The following NDUFC1 variants were observed in gnomAD, a reference collection of about 807,000 sequenced individuals.
NDUFC1 encodes the protein NADH:ubiquinone oxidoreductase subunit C1, also known as NADH dehydrogenase [ubiquinone] 1 subunit C1, mitochondrial.
Under a neutral mutation model 11.6 loss-of-function variants are expected in NDUFC1, and 11 were observed. The ratio of observed to expected loss-of-function variants is 0.95; its 90% CI spans 0.60 to 1.58. The LOEUF (loss-of-function observed/expected upper bound fraction) is 1.58. NDUFC1 is among the 40% of genes most tolerant of loss of function. NDUFC1 has a pLI of 0.00. For missense variants in NDUFC1, 112 were observed against 93.0 expected (o/e 1.20, Z -0.84); for synonymous variants, 52 against 42.2 (o/e 1.23, Z -0.90).
intron 4 of NDUFC1, among the ~76,000 whole-genome samples, chr4:139,293,930 ATTTTTTTTTTTTTT>A (rs775805536): frequency 1.0e-4 from 7 of 69,716 alleles, no homozygotes; most frequent in Admixed American, 4.4e-4. Context: ...TGTGGTGTGA[ATTTTTTTTTTTTTT>A]TTTTTTTTTT....
At chr4:139,290,876 A>C (rs7698642) in intron 5 of NDUFC1, among the ~76,000 whole-genome samples, 39,956 of 151,608 alleles carry the variant, frequency 0.26, 5,543 homozygotes, top group African/African-American at 0.35. Flanking sequence ...TATTGGCTCA[A>C]TGCAACCTCC....
rs114421961 is a variant in NDUFC1 at position 139,295,966 on chromosome 4, C to T, written c.-162-6G>A. 8.8e-4 allele frequency: 531 copies of T among 600,824 alleles called. 2 individuals are homozygous for T. The highest frequency in any genetic ancestry group is 8.4e-3 in the African/African-American group (426 of 50,428). The allele number at this position is 600,824 out of a possible 1,614,324, so 37.2% of individuals were successfully genotyped here. On this transcript the variant is annotated splice_polypyrimidine_tract_variant and splice_region_variant and intron_variant, in intron 2 of 5. Transcript: ENST00000394223. Reference sequence around the variant, plus strand: ...CCCCGGCCTCAGCCTTCTGTCTATACAGTGGAATTAGGAAGAAAATAATTA... The same window carrying T: ...CCCCGGCCTCAGCCTTCTGTCTATATAGTGGAATTAGGAAGAAAATAATTA...
intron 4 of NDUFC1, 44 bp from the exon 5 acceptor site, chr4:139,292,653 G>T: frequency 8.2e-7 from 1 of 1,212,132 alleles, no homozygotes; most frequent in South Asian, 1.5e-5. Context: ...TAATCTTCCT[G>T]GATACTTATA....
intron 2 of NDUFC1, among the ~76,000 whole-genome samples, chr4:139,296,861 A>G (rs563067213): frequency 2.1e-4 from 32 of 152,354 alleles, no homozygotes; most frequent in African/African-American, 7.0e-4. Context: ...TAATTTTAAA[A>G]CCAAAATAAA....
chr4:139,291,262 C>A (rs1325389689), intron 5 of NDUFC1, among the ~76,000 whole-genome samples: 1 of 151,730 alleles, frequency 6.6e-6, no homozygotes, highest in Non-Finnish European at 1.5e-5. Flanking sequence ...ATGAAATAGT[C>A]ATGCAGAAAA....
chr4:139,301,968 C>G, intron 1 of NDUFC1: 1 of 905,492 alleles, frequency 1.1e-6, no homozygotes, highest in Non-Finnish European at 1.7e-6. Context: ...AGGCCGAATG[C>G]ATTGCTTTGC....
intron 2 of NDUFC1, chr4:139,296,394 T>C (rs930909336): frequency 1.3e-5 from 2 of 152,492 alleles, no homozygotes; most frequent in African/African-American, 2.4e-5. Context: ...GTGCCTTAGG[T>C]AGGCTTAAGA....
At chr4:139,301,872 C>T (rs1217237702) in intron 1 of NDUFC1, 7 of 1,557,264 alleles carry the variant, frequency 4.5e-6, no homozygotes, top group African/African-American at 4.1e-5. Context: ...GAGGATTTAG[C>T]CGGTAACCGG....
intron 1 of NDUFC1, chr4:139,301,631 G>C: frequency 1.2e-6 from 1 of 835,598 alleles, no homozygotes; most frequent in Non-Finnish European, 1.9e-6. Context: ...TGTCCGGGTA[G>C]GGCAACGCGG....
chr4:139,297,470 T>G (rs923582037), intron 1 of NDUFC1, 27 bp from the exon 2 acceptor site: 2 of 152,154 alleles, frequency 1.3e-5, no homozygotes, highest in Non-Finnish European at 2.9e-5. Flanking sequence ...ATTAAGTAAT[T>G]CCAGCTAGGA....
chr4:139,292,028 G>A (rs905909977), intron 5 of NDUFC1, among the ~76,000 whole-genome samples: 9 of 151,912 alleles, frequency 5.9e-5, no homozygotes, highest in African/African-American at 2.2e-4. Flanking sequence ...TGGTAGAGAC[G>A]GTGTTTCACT....
chr4:139,293,028 C>T (rs1745299671), intron 4 of NDUFC1, among the ~76,000 whole-genome samples: 1 of 151,986 alleles, frequency 6.6e-6, no homozygotes, highest in Admixed American at 6.6e-5. Flanking sequence ...ACCATGTTGG[C>T]CAGGCTGGTC....
At chr4:139,294,715 A>G (rs1237616311) in intron 4 of NDUFC1, among the ~76,000 whole-genome samples, 1 of 150,736 alleles carries the variant, frequency 6.6e-6, no homozygotes, top group Non-Finnish European at 1.5e-5. Flanking sequence ...AGCCTGGGAG[A>G]CAGAGTGAGA....
chr4:139,291,841 CTT>C (rs900466081), intron 5 of NDUFC1, among the ~76,000 whole-genome samples: 1 of 144,202 alleles, frequency 6.9e-6, no homozygotes, highest in Non-Finnish European at 1.5e-5. Context: ...TGGGTTCATT[CTT>C]TTTTTTTTTT....
rs1178292396 is a variant in NDUFC1 at position 139,295,716 on chromosome 4, C to G, written c.67+16G>C. 2.6e-6 allele frequency: 4 copies of G among 1,540,010 alleles called. No homozygotes were observed. The highest frequency in any genetic ancestry group is 1.7e-4 in the Middle Eastern group (1 of 5,880). On this transcript the variant is annotated intron_variant, in intron 3 of 5. Coordinates refer to ENST00000394223, the MANE Select transcript of NDUFC1 (RefSeq NM_001184989.2). Reference sequence around the variant, plus strand: ...AATCTGAGGGTCGAGTCGGCCTGCACGAGGAGGATACTCACGGCCGCTCGG... The same window carrying G: ...AATCTGAGGGTCGAGTCGGCCTGCAGGAGGAGGATACTCACGGCCGCTCGG...
At position 139,295,828 on chromosome 4, in the gene NDUFC1, T is replaced by C; in HGVS notation, c.-30A>G. The C allele has an allele frequency of 6.5e-7, 1 of 1,541,200 alleles. No homozygotes were observed. The highest frequency in any genetic ancestry group is 2.0e-5 in the Admixed American group (1 of 48,910). ...CGTGGCCCAGCTCAGTCTCTCCGAG[T>C]TGGCAACAGAACCAGCGCCACCTGG... On this transcript the variant is annotated 5_prime_UTR_variant, in exon 3 of 6. Coordinates refer to ENST00000394223, the MANE Select transcript of NDUFC1 (RefSeq NM_001184989.2).
intron 3 of NDUFC1, 134 bp downstream of exon 3, chr4:139,295,598 C>A: frequency 1.1e-6 from 1 of 935,778 alleles, no homozygotes; most frequent in East Asian, 2.7e-5. Context: ...GTGGGCTGGG[C>A]CTTGGGTCGT....
At chr4:139,291,422 A>G (rs1259646080) in intron 5 of NDUFC1, among the ~76,000 whole-genome samples, 1 of 151,994 alleles carries the variant, frequency 6.6e-6, no homozygotes, top group Non-Finnish European at 1.5e-5. Context: ...CAAAAATACA[A>G]AAATTAGCTG....
chr4:139,300,721 C>G (rs961992349), intron 1 of NDUFC1: 1 of 152,086 alleles, frequency 6.6e-6, no homozygotes, highest in African/African-American at 2.4e-5. Flanking sequence ...ATGGGGAGTT[C>G]GAGTCACAAT....
Sources: allele counts gnomAD v4.1 joint callset (sites outside exome capture counted in the v4.1 genomes callset), GRCh38; gene constraint gnomAD v4.1.1; transcripts MANE v1.5; gene names NCBI Gene and HGNC (gene_info 2026-07-23, HGNC 2026-07-21).